SEMA3C: variants seen among roughly 807,000 people sequenced by gnomAD.
The protein encoded by SEMA3C is semaphorin-3C.
A neutral mutation model predicts 89.4 loss-of-function variants in SEMA3C; 47 were observed. The observed-to-expected ratio is 0.53, with a 90% CI of 0.42 to 0.67. The LOEUF is 0.67. Ranked by LOEUF, SEMA3C falls within the 30% of genes least tolerant of loss-of-function variation. The pLI is 0.00. For missense variants in SEMA3C, 839 were observed against 929.1 expected, an observed-to-expected ratio of 0.90 and a Z score of 1.26; for synonymous variants, 310 against 320.2, an observed-to-expected ratio of 0.97 and a Z score of 0.34.
chr7:80,854,869 A>G (rs944627194), intron 2 of SEMA3C, among the ~76,000 whole-genome samples: 1 of 152,182 alleles, frequency 6.6e-6, no homozygotes, highest in African/African-American at 2.4e-5. Flanking sequence ...AAACTTTTGG[A>G]ATGTGGATCC....
chr7:80,882,981 A>C (rs1791383566), intron 2 of SEMA3C, among the ~76,000 whole-genome samples: 1 of 152,118 alleles, frequency 6.6e-6, no homozygotes, highest in African/African-American at 2.4e-5. Context: ...ACTAAAGGTA[A>C]ATACACCTGA....
At chr7:80,889,655 G>C (rs1791566867) in intron 2 of SEMA3C, among the ~76,000 whole-genome samples, 1 of 152,066 alleles carries the variant, frequency 6.6e-6, no homozygotes, top group Non-Finnish European at 1.5e-5. Flanking sequence ...CTTTTCTAAA[G>C]TGCCATGTTT....
chr7:80,847,021 G>T (rs1429398141), intron 2 of SEMA3C, among the ~76,000 whole-genome samples: 1 of 152,082 alleles, frequency 6.6e-6, no homozygotes, highest in Non-Finnish European at 1.5e-5. Flanking sequence ...TACAACCTCA[G>T]ACTAATTTAC....
At chr7:80,888,699 T>C (rs574244924) in intron 2 of SEMA3C, among the ~76,000 whole-genome samples, 1 of 152,262 alleles carries the variant, frequency 6.6e-6, no homozygotes, top group African/African-American at 2.4e-5. Flanking sequence ...AAGATTTTTA[T>C]ACCAAGATTT....
chr7:80,917,957 G>T (rs1264006450), intron 1 of SEMA3C, among the ~76,000 whole-genome samples: 1 of 152,186 alleles, frequency 6.6e-6, no homozygotes, highest in Non-Finnish European at 1.5e-5. Context: ...AACAAAAATT[G>T]TAAGTAGATT....
intron 2 of SEMA3C, among the ~76,000 whole-genome samples, chr7:80,895,177 C>T (rs939382305): frequency 1.3e-5 from 2 of 152,124 alleles, no homozygotes; most frequent in Non-Finnish European, 2.9e-5. Flanking sequence ...TAAAACTGTT[C>T]CTAAACTAGT....
intron 11 of SEMA3C, among the ~76,000 whole-genome samples, chr7:80,792,069 C>A (rs1181120380): frequency 6.6e-6 from 1 of 152,062 alleles, no homozygotes; most frequent in Non-Finnish European, 1.5e-5. Context: ...TAAAACGAAA[C>A]CTCTCATTCT....
intron 2 of SEMA3C, among the ~76,000 whole-genome samples, chr7:80,903,648 C>A (rs570781854): frequency 2.6e-5 from 4 of 152,172 alleles, no homozygotes; most frequent in African/African-American, 9.6e-5. Context: ...GGTGACAGAG[C>A]AAGACTCTGT....
intron 2 of SEMA3C, among the ~76,000 whole-genome samples, chr7:80,833,045 G>A (rs545513264): frequency 3.3e-5 from 5 of 152,100 alleles, no homozygotes; most frequent in African/African-American, 9.6e-5. Flanking sequence ...AAAACCAAGA[G>A]TGTGATCTTA....
At chr7:80,908,459 A>T (rs960918759) in intron 2 of SEMA3C, among the ~76,000 whole-genome samples, 1 of 152,304 alleles carries the variant, frequency 6.6e-6, no homozygotes, top group African/African-American at 2.4e-5. Flanking sequence ...ACTACATTTC[A>T]TATGCTATAA....
At chr7:80,771,821 A>G (rs1271072170) in intron 12 of SEMA3C, among the ~76,000 whole-genome samples, 1 of 152,088 alleles carries the variant, frequency 6.6e-6, no homozygotes, top group African/African-American at 2.4e-5. Context: ...CTATAAATGT[A>G]TTCTAGTCAG....
intron 4 of SEMA3C, among the ~76,000 whole-genome samples, chr7:80,819,694 A>G (rs1479314485): frequency 6.6e-6 from 1 of 152,206 alleles, no homozygotes; most frequent in Admixed American, 6.5e-5. Context: ...AGTAAAGGCA[A>G]GGCTGTCATT....
At chr7:80,841,969 T>C (rs765793360) in intron 2 of SEMA3C, among the ~76,000 whole-genome samples, 1 of 152,190 alleles carries the variant, frequency 6.6e-6, no homozygotes, top group Non-Finnish European at 1.5e-5. Flanking sequence ...GACATGTTCA[T>C]TTAACTTTAA....
chr7:80,786,724 T>G (rs185546966), intron 12 of SEMA3C, among the ~76,000 whole-genome samples: 1 of 152,298 alleles, frequency 6.6e-6, no homozygotes, highest in Admixed American at 6.5e-5. Context: ...CGAGTAACAA[T>G]GGACATAGTT....
At position 80,902,108 on chromosome 7, in the gene SEMA3C, G is replaced by A. The variant is rs75036549; in HGVS notation, c.103+14571C>T. On this transcript the variant is annotated intron_variant, in intron 2 of 17. Transcript: ENST00000265361. ...GTTGGGACTACAGGTGTGCACCACCGCACTCAACTAGTTTCTGTATGTTTT... is the reference window on the plus strand; with the variant it reads ...GTTGGGACTACAGGTGTGCACCACCACACTCAACTAGTTTCTGTATGTTTT... Among the ~76,000 whole-genome samples the A allele has an allele frequency of 4.4e-3, 671 of 152,138 alleles. 6 individuals are homozygous for A. The highest frequency in any genetic ancestry group is 0.015 in the African/African-American group (633 of 41,520).
intron 11 of SEMA3C, among the ~76,000 whole-genome samples, chr7:80,792,159 C>T (rs897533413): frequency 2.6e-5 from 4 of 152,144 alleles, no homozygotes; most frequent in Admixed American, 2.6e-4. Context: ...TACACATTTA[C>T]AAACTGCTCA....
intron 2 of SEMA3C, among the ~76,000 whole-genome samples, chr7:80,890,567 T>C (rs1791587651): frequency 6.6e-6 from 1 of 152,178 alleles, no homozygotes; most frequent in Non-Finnish European, 1.5e-5. Context: ...ACTTTTTAAA[T>C]CTATTGGTCT....
At chr7:80,774,167 G>A (rs1241535773) in intron 12 of SEMA3C, among the ~76,000 whole-genome samples, 1 of 152,200 alleles carries the variant, frequency 6.6e-6, no homozygotes, top group Non-Finnish European at 1.5e-5. Context: ...ACAAAGAGTA[G>A]TACAAGTTCA....
At chr7:80,794,933 A>T (rs1464582622) in intron 11 of SEMA3C, among the ~76,000 whole-genome samples, 1 of 152,180 alleles carries the variant, frequency 6.6e-6, no homozygotes, top group Non-Finnish European at 1.5e-5. Context: ...TAACAGAGCT[A>T]CCAACCGTGT....
Sources: gnomAD v4.1 joint callset for allele counts (sites outside exome capture counted in the v4.1 genomes callset) on GRCh38, gnomAD v4.1.1 for gene constraint, MANE v1.5 for transcripts, NCBI Gene and HGNC (gene_info 2026-07-23, HGNC 2026-07-21) for gene names.